Variants in TRDN observed in about 807,000 individuals in gnomAD.
TRDN encodes the protein triadin in skeletal muscle.
A neutral mutation model predicts 149.7 loss-of-function variants in TRDN; 161 were observed. The ratio of observed to expected loss-of-function variants is 1.08; its 90% CI spans 0.95 to 1.23. The LOEUF (loss-of-function observed/expected upper bound fraction) is 1.23, where lower values mean the gene tolerates loss of function less well. Among genes scored for constraint, TRDN ranks in the 50% most tolerant of loss-of-function variants. The pLI is 0.00. For missense variants in TRDN, 896 were observed against 823.5 expected (o/e 1.09, Z -1.08); for synonymous variants, 294 against 250.5 (o/e 1.17, Z -1.64).
chr6:123,615,341 T>C (rs1331983428), intron 1 of TRDN, among the ~76,000 whole-genome samples: 1 of 152,142 alleles, frequency 6.6e-6, no homozygotes, highest in South Asian at 2.1e-4. Context: ...AAGAGATAAC[T>C]GCACTCCCAG....
chr6:123,221,060 G>A (rs1370762740), intron 40 of TRDN, among the ~76,000 whole-genome samples: 1 of 151,686 alleles, frequency 6.6e-6, no homozygotes, highest in African/African-American at 2.4e-5. Flanking sequence ...AAATCAAAAA[G>A]AATCTTGAAT....
chr6:123,245,474 A>C (rs1776138531), intron 38 of TRDN, among the ~76,000 whole-genome samples: 1 of 152,194 alleles, frequency 6.6e-6, no homozygotes, highest in East Asian at 1.9e-4. Flanking sequence ...ACTTTACACC[A>C]ACAAAGATGA....
chr6:123,347,189 T>A (rs1031141356), intron 21 of TRDN, among the ~76,000 whole-genome samples: 16 of 152,198 alleles, frequency 1.1e-4, no homozygotes, highest in African/African-American at 3.6e-4. Flanking sequence ...GCCAAACTTG[T>A]TCCTGCCATT....
chr6:123,448,863 G>A (rs2114644313), intron 10 of TRDN, among the ~76,000 whole-genome samples: 1 of 152,188 alleles, frequency 6.6e-6, no homozygotes, highest in Admixed American at 6.5e-5. Flanking sequence ...GGTATTCGTG[G>A]CTGAGAGACC....
intron 24 of TRDN, among the ~76,000 whole-genome samples, chr6:123,291,849 A>G (rs1488547366): frequency 6.6e-6 from 1 of 152,042 alleles, no homozygotes; most frequent in African/African-American, 2.4e-5. Flanking sequence ...AGATCCATGT[A>G]ACTCTCTCCT....
chr6:123,492,021 GA>G (rs547575654), intron 9 of TRDN, among the ~76,000 whole-genome samples: 2 of 152,228 alleles, frequency 1.3e-5, no homozygotes, highest in South Asian at 4.1e-4. Flanking sequence ...TCAAGAAAAG[GA>G]TCTTAATAAA....
At chr6:123,230,131 C>G (rs1028148475) in intron 38 of TRDN, among the ~76,000 whole-genome samples, 3 of 151,922 alleles carry the variant, frequency 2.0e-5, no homozygotes, top group African/African-American at 7.2e-5. Context: ...GACTTGGAAC[C>G]AACCCAAATG....
chr6:123,576,919 A>C (rs995104782), intron 1 of TRDN, among the ~76,000 whole-genome samples: 4 of 152,088 alleles, frequency 2.6e-5, no homozygotes, highest in Non-Finnish European at 4.4e-5. Context: ...GACATGTGAC[A>C]TCAGTTTACA....
intron 24 of TRDN, among the ~76,000 whole-genome samples, chr6:123,282,610 A>G (rs1408670069): frequency 6.6e-6 from 1 of 151,876 alleles, no homozygotes. Context: ...TGTGGTTTAG[A>G]ATTTTCATTG....
intron 21 of TRDN, chr6:123,351,854 T>C: frequency 1.0e-6 from 1 of 983,932 alleles, no homozygotes; most frequent in Non-Finnish European, 1.2e-6. Context: ...ATTAAAATTA[T>C]TAGCACACTT....
At chr6:123,462,134 G>A (rs1299577973) in intron 10 of TRDN, 1 of 151,916 alleles carries the variant, frequency 6.6e-6, no homozygotes, top group East Asian at 1.9e-4. Flanking sequence ...AATTTTTCCT[G>A]GCCAAACAAA....
At chr6:123,353,472 T>G (rs577151933) in intron 20 of TRDN, among the ~76,000 whole-genome samples, 7 of 152,014 alleles carry the variant, frequency 4.6e-5, no homozygotes, top group African/African-American at 1.7e-4. Flanking sequence ...TCTAAAGTAT[T>G]ATTTCCAAGG....
At chr6:123,527,727 T>C (rs1780022503) in intron 5 of TRDN, among the ~76,000 whole-genome samples, 1 of 151,860 alleles carries the variant, frequency 6.6e-6, no homozygotes, top group Admixed American at 6.6e-5. Context: ...AATGTTCCGC[T>C]ATATTACTAT....
At chr6:123,232,389 T>C (rs992609670) in intron 38 of TRDN, among the ~76,000 whole-genome samples, 1 of 151,896 alleles carries the variant, frequency 6.6e-6, no homozygotes, top group Non-Finnish European at 1.5e-5. Context: ...GGGGAGACTG[T>C]TGGGGCAGAA....
chr6:123,502,991 A>G (rs947389765), intron 8 of TRDN: 17 of 985,218 alleles, frequency 1.7e-5, no homozygotes, highest in Non-Finnish European at 1.9e-5. Flanking sequence ...AGCTCTGTAT[A>G]TTCACATAGC....
Position 123,346,926 on chromosome 6 carries a change from G to A in TRDN, c.1369+5613C>T, listed in dbSNP as rs1380902683. On this transcript the variant is annotated intron_variant, in intron 21 of 40. Transcript: ENST00000334268. Reference sequence around the variant, plus strand: ...AGACTTCACAGAAACACTGGCATTTGTGATGGATTCAAAAACTGATAAAAT... The same window carrying A: ...AGACTTCACAGAAACACTGGCATTTATGATGGATTCAAAAACTGATAAAAT... 2.6e-5 allele frequency among the ~76,000 whole-genome samples: 4 copies of A among 151,962 alleles called. No homozygotes were observed. In the East Asian group the frequency reaches 7.7e-4, roughly 29 times the overall value.
chr6:123,563,492 A>G (rs1782109120), intron 2 of TRDN, among the ~76,000 whole-genome samples: 1 of 152,232 alleles, frequency 6.6e-6, no homozygotes, highest in Admixed American at 6.5e-5. Flanking sequence ...AAAAAAGCCC[A>G]TGTTAAATAT....
At chr6:123,565,890 T>C (rs1782269505) in intron 2 of TRDN, among the ~76,000 whole-genome samples, 1 of 152,236 alleles carries the variant, frequency 6.6e-6, no homozygotes, top group South Asian at 2.1e-4. Context: ...AGTCTTCCAC[T>C]TTGTTCTTGT....
At chr6:123,225,153 A>G (rs1380651718) in intron 38 of TRDN, among the ~76,000 whole-genome samples, 2 of 151,774 alleles carry the variant, frequency 1.3e-5, no homozygotes, top group African/African-American at 4.8e-5. Context: ...ATTATTAATT[A>G]TCATGAAATG....
Sources: gnomAD v4.1 joint callset for allele counts (sites outside exome capture counted in the v4.1 genomes callset) on GRCh38, gnomAD v4.1.1 for gene constraint, MANE v1.5 for transcripts, NCBI Gene and HGNC (gene_info 2026-07-23, HGNC 2026-07-21) for gene names.